The following GPC5 variants were observed in gnomAD, a reference collection of about 807,000 sequenced individuals.
The protein encoded by GPC5 is glypican 5.
In GPC5, 47 loss-of-function variants were observed where a neutral mutation model predicts 53.9. The observed-to-expected ratio is 0.87, with a 90% CI of 0.69 to 1.11. The LOEUF is 1.11. GPC5 is among the 50% of genes most tolerant of loss of function. The pLI, the probability that GPC5 is intolerant of heterozygous loss-of-function variation, is 0.00. For missense variants in GPC5, 748 were observed against 713.1 expected (o/e 1.05, Z -0.56); for synonymous variants, 286 against 263.3 (o/e 1.09, Z -0.84).
chr13:92,401,799 TA>T (rs1329450943), intron 7 of GPC5, among the ~76,000 whole-genome samples: 1 of 152,166 alleles, frequency 6.6e-6, no homozygotes, highest in East Asian at 1.9e-4. Flanking sequence ...GGAGAGTCTA[TA>T]CACTAAAAAG....
At chr13:92,100,380 C>T (rs893090243) in intron 6 of GPC5, among the ~76,000 whole-genome samples, 2 of 152,026 alleles carry the variant, frequency 1.3e-5, no homozygotes, top group Non-Finnish European at 2.9e-5. Context: ...CCAGCCTGAG[C>T]GACAGAGTGA....
At chr13:91,958,895 C>A (rs1055651617) in intron 6 of GPC5, among the ~76,000 whole-genome samples, 1 of 151,904 alleles carries the variant, frequency 6.6e-6, no homozygotes, top group African/African-American at 2.4e-5. Context: ...AAGAGGGAAG[C>A]TGATAGTAAT....
chr13:91,917,383 C>A (rs1407622313), intron 6 of GPC5, among the ~76,000 whole-genome samples: 1 of 152,180 alleles, frequency 6.6e-6, no homozygotes, highest in African/African-American at 2.4e-5. Flanking sequence ...TTGCAAGGTG[C>A]AGGCCCCCCA....
At chr13:91,808,015 G>T (rs2038248736) in intron 5 of GPC5, among the ~76,000 whole-genome samples, 1 of 151,972 alleles carries the variant, frequency 6.6e-6, no homozygotes, top group Non-Finnish European at 1.5e-5. Flanking sequence ...AATGTGGGAT[G>T]GATTCAGAAA....
chr13:92,230,610 T>C (rs2042522916), intron 7 of GPC5, among the ~76,000 whole-genome samples: 1 of 152,190 alleles, frequency 6.6e-6, no homozygotes, highest in Non-Finnish European at 1.5e-5. Context: ...ACCCTGCGTT[T>C]ATTAATAATC....
intron 5 of GPC5, among the ~76,000 whole-genome samples, chr13:91,759,133 TC>T (rs2037355789): frequency 6.6e-6 from 1 of 152,186 alleles, no homozygotes; most frequent in South Asian, 2.1e-4. Flanking sequence ...GGACTCTATC[TC>T]TTTTCTATTT....
chr13:92,572,367 G>A (rs1279233198), intron 7 of GPC5, among the ~76,000 whole-genome samples: 9 of 151,948 alleles, frequency 5.9e-5, no homozygotes, highest in Non-Finnish European at 1.2e-4. Context: ...ATTTTTTAAC[G>A]GTATCACCTT....
At chr13:91,509,205 G>A (rs570364137) in intron 2 of GPC5, among the ~76,000 whole-genome samples, 9 of 151,772 alleles carry the variant, frequency 5.9e-5, no homozygotes, top group Admixed American at 3.9e-4. Flanking sequence ...ATAGTAGTGA[G>A]CACTTCTTGA....
At chr13:92,760,285 G>A (rs1436916121) in intron 7 of GPC5, among the ~76,000 whole-genome samples, 1 of 152,090 alleles carries the variant, frequency 6.6e-6, no homozygotes, top group African/African-American at 2.4e-5. Flanking sequence ...AAGGTTGGTA[G>A]AATTAGGCCC....
At chr13:92,585,231 A>G (rs1329963370) in intron 7 of GPC5, among the ~76,000 whole-genome samples, 1 of 152,088 alleles carries the variant, frequency 6.6e-6, no homozygotes, top group African/African-American at 2.4e-5. Flanking sequence ...CCATGGAAAC[A>G]CCCAAGATGG....
intron 2 of GPC5, among the ~76,000 whole-genome samples, chr13:91,685,714 T>C (rs1044215122): frequency 2.6e-5 from 4 of 152,202 alleles, no homozygotes; most frequent in Middle Eastern, 3.4e-3. Context: ...AATATATTGG[T>C]TGAATGGATG....
intron 7 of GPC5, among the ~76,000 whole-genome samples, chr13:92,563,802 C>A (rs1255996691): frequency 6.6e-6 from 1 of 151,994 alleles, no homozygotes. Context: ...ATCACCATTT[C>A]ATTTCAGAGT....
chr13:91,506,458 T>G (rs1884949846), intron 2 of GPC5, among the ~76,000 whole-genome samples: 1 of 152,130 alleles, frequency 6.6e-6, no homozygotes, highest in African/African-American at 2.4e-5. Context: ...ATATTTTATC[T>G]TGATTGTCTC....
At chr13:91,512,338 A>T (rs137950681) in intron 2 of GPC5, among the ~76,000 whole-genome samples, 24 of 152,136 alleles carry the variant, frequency 1.6e-4, no homozygotes, top group African/African-American at 5.5e-4. Flanking sequence ...TTTCTGTCCT[A>T]TTCTTCTGTC....
At chr13:92,190,932 T>A (rs979252193) in intron 7 of GPC5, among the ~76,000 whole-genome samples, 1 of 152,116 alleles carries the variant, frequency 6.6e-6, no homozygotes, top group Non-Finnish European at 1.5e-5. Context: ...ATTGTAAGAA[T>A]AGATGAAAAA....
Position 92,166,911 on chromosome 13 carries a change from A to G in GPC5, c.1561+21922A>G, listed in dbSNP as rs189035013. On this transcript the variant is annotated intron_variant, in intron 7 of 7. Coordinates refer to ENST00000377067, the MANE Select transcript of GPC5 (RefSeq NM_004466.6). ...GTCTGATCTGTATCCAAAATAAGGC[A>G]TAAGTCTCAGTCTCTCTCTCTCTCT... Among the ~76,000 whole-genome samples, 523 of 146,796 alleles carry G rather than the reference A, an allele frequency of 3.6e-3. 3 individuals carry two copies. Among genetic ancestry groups the G allele is most frequent in the Admixed American group, 8.5e-3 (121 of 14,274 alleles).
intron 7 of GPC5, among the ~76,000 whole-genome samples, chr13:92,461,354 G>T (rs796392146): frequency 5.9e-5 from 9 of 152,268 alleles, no homozygotes; most frequent in African/African-American, 2.2e-4. Context: ...CTCTCATGGA[G>T]CTTTTGTGTA....
intron 6 of GPC5, among the ~76,000 whole-genome samples, chr13:91,949,835 GTAT>G (rs2040009633): frequency 6.6e-6 from 1 of 151,968 alleles, no homozygotes; most frequent in African/African-American, 2.4e-5. Context: ...AAAAATTCTT[GTAT>G]TATTCTACTA....
At chr13:91,489,447 G>C (rs116100196) in intron 2 of GPC5, among the ~76,000 whole-genome samples, 230 of 152,282 alleles carry the variant, frequency 1.5e-3, no homozygotes, top group African/African-American at 5.3e-3. Context: ...AATTTTGCCT[G>C]ATAGTCCTAA....
Sources: allele counts gnomAD v4.1 joint callset (sites outside exome capture counted in the v4.1 genomes callset), GRCh38; gene constraint gnomAD v4.1.1; transcripts MANE v1.5; gene names NCBI Gene and HGNC (gene_info 2026-07-23, HGNC 2026-07-21).